Variants in OR2G6 observed in about 807,000 individuals in gnomAD.
The protein encoded by OR2G6 is olfactory receptor 2G6.
For synonymous variants in OR2G6, 183 were observed against 155.2 expected (o/e 1.18, Z -1.33); for missense variants, 457 against 391.3 (o/e 1.17, Z -1.42).
Position 248,521,769 on chromosome 1 carries a change from G to T in OR2G6, c.123G>T (p.Gly41=). ...ILYFYVLSLL[G]NTALILVCCL... ...ACTTCTACGTCTTGAGCCTTCTGGG[G>T]AACACTGCCCTCATACTAGTATGTT... The change falls in exon 2 of 2, where the codon GGG becomes GGT. Residue 41 remains glycine (G), a synonymous_variant. Transcript: ENST00000641804. 1 of 1,614,042 alleles carries T rather than the reference G, an allele frequency of 6.2e-7. No homozygotes were observed. Among genetic ancestry groups the T allele is most frequent in the Non-Finnish European group, 8.5e-7 (1 of 1,179,964 alleles).
chr1:248,522,946 T>G lies in OR2G6; in HGVS notation c.*349T>G. The G allele has an allele frequency of 4.7e-6, 1 of 211,690 alleles. No homozygotes were observed. The highest frequency in any genetic ancestry group is 9.4e-6 in the Non-Finnish European group (1 of 106,072). The allele number at this position is 211,690 out of a possible 1,614,324, so 13.1% of individuals were successfully genotyped here. On this transcript the variant is annotated 3_prime_UTR_variant, in exon 2 of 2. Coordinates refer to ENST00000641804, the MANE Select transcript of OR2G6 (RefSeq NM_001013355.2). ...TCCACCTGCCATCAAGGTTCATGTATCCATTATTTCCTTCTAATGTGCCAG... is the reference window on the plus strand; with the variant it reads ...TCCACCTGCCATCAAGGTTCATGTAGCCATTATTTCCTTCTAATGTGCCAG...
chr1:248,521,147 C>T (rs139763817), intron 1 of OR2G6, among the ~76,000 whole-genome samples: 166 of 151,276 alleles, frequency 1.1e-3, no homozygotes, highest in African/African-American at 3.9e-3. Flanking sequence ...TACTTGAACC[C>T]AGGAAGCAGA....
chr1:248,521,724 T>C lies in OR2G6; in HGVS notation c.78T>C (p.Phe26=), dbSNP rs1193399625. 6.2e-7 allele frequency: 1 copy of C among 1,614,182 alleles called. No homozygotes were observed. The highest frequency in any genetic ancestry group is 2.2e-5 in the East Asian group (1 of 44,882). The change falls in exon 2 of 2, where the codon TTT becomes TTC. Residue 26 remains phenylalanine, a synonymous_variant. Transcript: ENST00000641804. ...GFSDQPQLER[F]LFAIILYFYV... is the part of the protein sequence containing the mutation. ...CAGATCAGCCTCAGCTAGAGAGGTT[T>C]CTTTTTGCCATCATTTTGTACTTCT...
chr1:248,525,436 T>A lies in OR2G6; in HGVS notation c.*2839T>A, dbSNP rs1419528839. ...GTTCCACCACTCCAAACACCATGAA[T>A]TTTTTTTAAAAGATATTTTTAAGAA... On this transcript the variant is annotated 3_prime_UTR_variant, in exon 2 of 2. Coordinates refer to ENST00000641804, the MANE Select transcript of OR2G6 (RefSeq NM_001013355.2). The A allele has an allele frequency of 6.6e-6, 1 of 150,386 alleles. No homozygotes were observed. Among genetic ancestry groups the A allele is most frequent in the Non-Finnish European group, 1.5e-5 (1 of 67,758 alleles). The allele number at this position is 150,386 out of a possible 1,614,324, so 9.3% of individuals were successfully genotyped here. A position where few individuals can be genotyped will look rare whatever the true frequency, so the allele number is the denominator to read the frequency against.
intron 1 of OR2G6, among the ~76,000 whole-genome samples, chr1:248,520,367 G>GTA (rs1664257836): frequency 6.6e-6 from 1 of 152,074 alleles, no homozygotes; most frequent in African/African-American, 2.4e-5. Flanking sequence ...CATGGCATGT[G>GTA]TATACTTATG....
At position 248,523,377 on chromosome 1, in the gene OR2G6, C is replaced by CTT. The variant is rs1664331485; in HGVS notation, c.*781_*782dup. On this transcript the variant is annotated 3_prime_UTR_variant, in exon 2 of 2. Transcript: ENST00000641804. ...TTATTAAAGGAATCAAATAAGCAAA[C>CTT]TTGAATTAAGGAGATTGATTAAAAG... 6.6e-6 allele frequency: 1 copy of CTT among 152,046 alleles called. No individual in the cohort carries two copies. Among genetic ancestry groups the CTT allele is most frequent in the African/African-American group, 2.4e-5 (1 of 41,398 alleles). The allele number at this position is 152,046 out of a possible 1,614,324, so 9.4% of individuals were successfully genotyped here.
intron 1 of OR2G6, among the ~76,000 whole-genome samples, 176 bp from the exon 2 acceptor site, chr1:248,521,435 T>C (rs1664283159): frequency 6.6e-6 from 1 of 151,994 alleles, no homozygotes; most frequent in Non-Finnish European, 1.5e-5. Context: ...AAAACTTTAT[T>C]CAATAAAAAT....
chr1:248,525,531 C>T lies in OR2G6; in HGVS notation c.*2934C>T, dbSNP rs1361124041. 1.3e-5 allele frequency: 2 copies of T among 151,724 alleles called. 1 individual carries two copies. Among genetic ancestry groups the T allele is most frequent in the East Asian group, 3.9e-4 (2 of 5,186 alleles). 9.4% of individuals were successfully genotyped at this position (151,724 alleles called of 1,614,324 possible). A position where few individuals can be genotyped will look rare whatever the true frequency, so the allele number is the denominator to read the frequency against. On this transcript the variant is annotated 3_prime_UTR_variant, in exon 2 of 2. Transcript: ENST00000641804. ...AAACAAAAACCATATAGGACCACAG[C>T]TCAGAGAAGAAAAATGGGAGGCACT...
At position 248,526,602 on chromosome 1, in the gene OR2G6, G is replaced by T. The variant is rs1443968675; in HGVS notation, c.*4005G>T. The T allele has an allele frequency of 6.6e-6, 1 of 152,180 alleles. No homozygotes were observed. The highest frequency in any genetic ancestry group is 2.1e-4 in the South Asian group (1 of 4,832). 9.4% of individuals were successfully genotyped at this position (152,180 alleles called of 1,614,324 possible). On this transcript the variant is annotated 3_prime_UTR_variant, in exon 2 of 2. Coordinates refer to ENST00000641804, the MANE Select transcript of OR2G6 (RefSeq NM_001013355.2). ...AGAAATTCCCTTTTGCTTTGGCAGA[G>T]AGAGGAGAAAATAAACATTTGAAAT...
chr1:248,526,717 TGTG>T lies in OR2G6; in HGVS notation c.*4123_*4125del, dbSNP rs1325922298. ...TAACTGGTGTGAGATGATATCTCAT[TGTG>T]GTTTTGATTTGCATTTCTCTGATGG... is the stretch of plus-strand genomic sequence containing the variant. On this transcript the variant is annotated 3_prime_UTR_variant, in exon 2 of 2. Transcript: ENST00000641804. 3.9e-5 allele frequency: 6 copies of T among 152,164 alleles called. No homozygotes were observed. The highest frequency in any genetic ancestry group is 1.4e-4 in the African/African-American group (6 of 41,448). The allele number at this position is 152,164 out of a possible 1,614,324, so 9.4% of individuals were successfully genotyped here. A position where few individuals can be genotyped will look rare whatever the true frequency, so the allele number is the denominator to read the frequency against.
chr1:248,519,499 A>G (rs934461970), intron 1 of OR2G6, among the ~76,000 whole-genome samples: 4 of 151,736 alleles, frequency 2.6e-5, no homozygotes, highest in African/African-American at 9.7e-5. Flanking sequence ...ATCTTGAGTT[A>G]ATTTTTTATA....
In OR2G6 at chr1:248,524,611, A is replaced by G. The variant is rs1355178461; in HGVS notation, c.*2014A>G. 1 of 152,250 alleles carries G rather than the reference A, an allele frequency of 6.6e-6. No individual in the cohort carries two copies. The highest frequency in any genetic ancestry group is 1.5e-5 in the Non-Finnish European group (1 of 68,066). The allele number at this position is 152,250 out of a possible 1,614,324, so 9.4% of individuals were successfully genotyped here. ...AAGATGTGGCATTTAAAGGAAAGAAATAGCTCCAGGTGAAAAGACAACCAT... is the reference window on the plus strand; with the variant it reads ...AAGATGTGGCATTTAAAGGAAAGAAGTAGCTCCAGGTGAAAAGACAACCAT... On this transcript the variant is annotated 3_prime_UTR_variant, in exon 2 of 2. Transcript: ENST00000641804.
rs1391660955 is a variant in OR2G6, at chr1:248,522,723, G to A, written c.*126G>A. The A allele has an allele frequency of 6.1e-6, 4 of 659,456 alleles. No homozygotes were observed. The highest frequency in any genetic ancestry group is 1.0e-5 in the Non-Finnish European group (4 of 391,930). 40.9% of individuals were successfully genotyped at this position (659,456 alleles called of 1,614,324 possible). A position where few individuals can be genotyped will look rare whatever the true frequency, so the allele number is the denominator to read the frequency against. On this transcript the variant is annotated 3_prime_UTR_variant, in exon 2 of 2. Transcript: ENST00000641804. ...GGAAGCATTGGAATTCTAAAGAAGGGAAACACCTCAAGGCAGCGTGAGGAT... is the reference window on the plus strand; with the variant it reads ...GGAAGCATTGGAATTCTAAAGAAGGAAAACACCTCAAGGCAGCGTGAGGAT...
rs1171998356 is a variant in OR2G6, at chr1:248,522,520, C to T, written c.874C>T (p.Leu292=). Residue 292 remains leucine, a synonymous_variant, in exon 2 of 2, where the codon CTG becomes TTG. Coordinates refer to ENST00000641804, the MANE Select transcript of OR2G6 (RefSeq NM_001013355.2). ...ACTTTTAAACCCCATTATCTACACT[C>T]TGAGAAACAAAGATGTGAAAGGGGC... ...TPLLNPIIYT[L]RNKDVKGALR... 8.7e-6 allele frequency: 14 copies of T among 1,613,726 alleles called. No homozygotes were observed. Among genetic ancestry groups the T allele is most frequent in the African/African-American group, 1.3e-5 (1 of 74,656 alleles).
Position 248,524,784 on chromosome 1 carries a change from A to G in OR2G6, c.*2187A>G, listed in dbSNP as rs574032496. 1 of 152,270 alleles carries G rather than the reference A, an allele frequency of 6.6e-6. No homozygotes were observed. Among genetic ancestry groups the G allele is most frequent in the East Asian group, 1.9e-4 (1 of 5,196 alleles). The allele number at this position is 152,270 out of a possible 1,614,324, so 9.4% of individuals were successfully genotyped here. On this transcript the variant is annotated 3_prime_UTR_variant, in exon 2 of 2. Transcript: ENST00000641804. ...TAAAATCAAATTATTACTGTATACA[A>G]TAAATTCAAACATAATTCAGAAAAA... is the stretch of plus-strand genomic sequence containing the variant.
Position 248,523,084 on chromosome 1 carries a change from A to T in OR2G6, c.*487A>T. 18 of 156,546 alleles carry T rather than the reference A, an allele frequency of 1.1e-4. No individual in the cohort carries two copies. The highest frequency in any genetic ancestry group is 5.9e-4 in the South Asian group (3 of 5,128). 9.7% of individuals were successfully genotyped at this position (156,546 alleles called of 1,614,324 possible). On this transcript the variant is annotated 3_prime_UTR_variant, in exon 2 of 2. Coordinates refer to ENST00000641804, the MANE Select transcript of OR2G6 (RefSeq NM_001013355.2). Reference sequence around the variant, plus strand: ...ATCCTTGTGCAGAATTAACTGTTTCATAATATGTTTCCATAGCACTTGATC... The same window carrying T: ...ATCCTTGTGCAGAATTAACTGTTTCTTAATATGTTTCCATAGCACTTGATC...
In OR2G6 at chr1:248,524,236, T is replaced by C. The variant is rs1664351716; in HGVS notation, c.*1639T>C. The C allele has an allele frequency of 6.6e-6, 1 of 152,200 alleles. No individual in the cohort carries two copies. The highest frequency in any genetic ancestry group is 1.5e-5 in the Non-Finnish European group (1 of 68,040). The allele number at this position is 152,200 out of a possible 1,614,324, so 9.4% of individuals were successfully genotyped here. ...ATTCACTAATGACTCAGGCTGCCTC[T>C]TCACAAATACCCTGTCCAGCTGGCA... On this transcript the variant is annotated 3_prime_UTR_variant, in exon 2 of 2. Coordinates refer to ENST00000641804, the MANE Select transcript of OR2G6 (RefSeq NM_001013355.2).
At chr1:248,508,851 A>T (rs1440672505) in intron 1 of OR2G6, among the ~76,000 whole-genome samples, 1 of 108,938 alleles carries the variant, frequency 9.2e-6, no homozygotes, top group Non-Finnish European at 1.8e-5. Context: ...ATGTTTTTTA[A>T]AAACAAGGGA....
chr1:248,522,258 A>T lies in OR2G6; in HGVS notation c.612A>T (p.Val204=), dbSNP rs771052282. The part of the protein sequence containing the change: ...FNEAELFVAS[V]VFLIVPVLLI... ...AGGCAGAACTCTTTGTGGCCAGTGTAGTCTTTCTAATTGTCCCGGTGTTAC... is the reference window on the plus strand; with the variant it reads ...AGGCAGAACTCTTTGTGGCCAGTGTTGTCTTTCTAATTGTCCCGGTGTTAC... Residue 204 remains valine (V), a synonymous_variant, in exon 2 of 2, where the codon GTA becomes GTT. Transcript: ENST00000641804. The T allele has an allele frequency of 4.3e-6, 7 of 1,614,018 alleles. No homozygotes were observed. The South Asian group carries it at 6.6e-5, about 15-fold the overall frequency.
Sources: allele counts gnomAD v4.1 joint callset (sites outside exome capture counted in the v4.1 genomes callset), GRCh38; gene constraint gnomAD v4.1.1; transcripts MANE v1.5; gene names NCBI Gene and HGNC (gene_info 2026-07-23, HGNC 2026-07-21).